The following PAWR variants were observed in gnomAD, a reference collection of about 807,000 sequenced individuals.
PAWR encodes PRKC apoptosis WT1 regulator protein.
In PAWR, 23 loss-of-function variants were observed where a neutral mutation model predicts 32.0. The ratio of observed to expected loss-of-function variants is 0.72; its 90% CI spans 0.52 to 1.02. PAWR has a LOEUF of 1.02. Among genes scored for constraint, PAWR ranks in the 50% least tolerant of loss-of-function variants. PAWR has a pLI of 0.00. For synonymous variants in PAWR, 226 were observed against 187.1 expected, an observed-to-expected ratio of 1.21 and a Z score of -1.70; for missense variants, 457 against 437.7, an observed-to-expected ratio of 1.04 and a Z score of -0.39.
chr12:79,598,066 C>T (rs1873828758), intron 4 of PAWR: 1 of 152,282 alleles, frequency 6.6e-6, no homozygotes, highest in African/African-American at 2.4e-5. Context: ...CTTCCAGAGA[C>T]AAACTGACAG....
intron 2 of PAWR, among the ~76,000 whole-genome samples, chr12:79,687,101 A>G (rs143389882): frequency 6.6e-6 from 1 of 152,310 alleles, no homozygotes; most frequent in African/African-American, 2.4e-5. Context: ...AAAATGTAAA[A>G]ATTTAGAAAA....
rs1390353856 is a variant in PAWR, at chr12:79,690,055, C to T, written c.190G>A (p.Ala64Thr). ...PAGALGTPAA[A>T]AANELNNNLP... ...TTGTTGTTGAGCTCGTTGGCAGCGG[C>T]GGCCGCCGGGGTGCCCAGAGCCCCC... The change falls in exon 2 of 7, where the codon GCC becomes ACC. Residue 64 changes from alanine to threonine, a missense_variant. Coordinates refer to ENST00000328827, the MANE Select transcript of PAWR (RefSeq NM_002583.4). The T allele has an allele frequency of 8.1e-6, 11 of 1,361,244 alleles. No homozygotes were observed. In the Admixed American group the frequency reaches 1.2e-4, roughly 15 times the overall value. The allele number at this position is 1,361,244 out of a possible 1,614,324, so 84.3% of individuals were successfully genotyped here. A position where few individuals can be genotyped will look rare whatever the true frequency, so the allele number is the denominator to read the frequency against.
chr12:79,688,592 CT>C (rs1260895927), intron 2 of PAWR: 1 of 151,818 alleles, frequency 6.6e-6, no homozygotes, highest in South Asian at 2.1e-4. Context: ...GTTTTGCTGG[CT>C]GATAAAAATC....
intron 2 of PAWR, among the ~76,000 whole-genome samples, chr12:79,641,106 T>A (rs574003423): frequency 2.6e-5 from 4 of 152,364 alleles, no homozygotes; most frequent in Non-Finnish European, 4.4e-5. Context: ...GATTAAATTC[T>A]ATTTTTACCT....
At chr12:79,604,427 C>G in intron 4 of PAWR, 2 of 1,027,526 alleles carry the variant, frequency 1.9e-6, no homozygotes, top group Non-Finnish European at 2.3e-6. Flanking sequence ...CTAAAACTAT[C>G]ATGAGAATGA....
At chr12:79,652,789 A>G (rs868093693) in intron 2 of PAWR, among the ~76,000 whole-genome samples, 2 of 152,326 alleles carry the variant, frequency 1.3e-5, no homozygotes, top group South Asian at 2.1e-4. Flanking sequence ...TGGATTTAGT[A>G]TTTGACAAAG....
Position 79,639,831 on chromosome 12 carries a change from T to TCCTTTC in PAWR, c.517-18625_517-18624insGAAAGG, listed in dbSNP as rs879765629. Among the ~76,000 whole-genome samples, 9 of 126,428 alleles carry TCCTTTC rather than the reference T, an allele frequency of 7.1e-5. 1 individual carries two copies. The highest frequency in any genetic ancestry group is 3.5e-4 in the African/African-American group (9 of 25,496). 82.9% of individuals were successfully genotyped at this position (126,428 alleles called of 152,430 possible). A position where few individuals can be genotyped will look rare whatever the true frequency, so the allele number is the denominator to read the frequency against. ...ATTCCATTCCTTTTCCTTTTCCTTT[T>TCCTTTC]CCATTCCTATTCCTATTCCTATTCC... is the stretch of plus-strand genomic sequence containing the variant. On this transcript the variant is annotated intron_variant, in intron 2 of 6. Transcript: ENST00000328827.
At chr12:79,676,899 T>C (rs1422230705) in intron 2 of PAWR, among the ~76,000 whole-genome samples, 2 of 152,194 alleles carry the variant, frequency 1.3e-5, no homozygotes, top group Non-Finnish European at 2.9e-5. Flanking sequence ...TTCACAAAAT[T>C]ACCTGGACCA....
chr12:79,675,647 T>C (rs1878127385), intron 2 of PAWR, among the ~76,000 whole-genome samples: 1 of 152,050 alleles, frequency 6.6e-6, no homozygotes, highest in Admixed American at 6.5e-5. Flanking sequence ...GAAAACCAAA[T>C]ACTGCATGTT....
chr12:79,673,948 G>C (rs1024559580), intron 2 of PAWR, among the ~76,000 whole-genome samples: 2 of 152,046 alleles, frequency 1.3e-5, no homozygotes, highest in Non-Finnish European at 2.9e-5. Context: ...TGGATAGGAA[G>C]AATCAGTATT....
intron 2 of PAWR, 38 bp downstream of exon 2, chr12:79,689,691 C>CCCCGG: frequency 6.5e-7 from 1 of 1,527,416 alleles, no homozygotes; most frequent in Non-Finnish European, 8.8e-7. Flanking sequence ...CAGCTGCCCG[C>CCCCGG]CCCGGCCCGG....
intron 4 of PAWR, chr12:79,604,230 C>G: frequency 2.0e-6 from 2 of 983,652 alleles, no homozygotes; most frequent in Non-Finnish European, 1.2e-6. Context: ...CTAATACGAT[C>G]CAAAAAGAAT....
chr12:79,682,268 T>C (rs1420503493), intron 2 of PAWR, among the ~76,000 whole-genome samples: 4 of 152,034 alleles, frequency 2.6e-5, no homozygotes, highest in Admixed American at 2.6e-4. Flanking sequence ...TCTCCCACCT[T>C]AGCTTCTCAA....
At chr12:79,618,809 T>C (rs1004914646) in intron 3 of PAWR, among the ~76,000 whole-genome samples, 2 of 152,100 alleles carry the variant, frequency 1.3e-5, no homozygotes, top group Non-Finnish European at 2.9e-5. Context: ...ACCTTAGATG[T>C]CTTAACTATA....
intron 5 of PAWR, among the ~76,000 whole-genome samples, chr12:79,594,959 T>C (rs866973014): frequency 3.2e-4 from 49 of 152,268 alleles, no homozygotes; most frequent in Admixed American, 1.2e-3. Context: ...TCAAGTGATC[T>C]GCCCGCCTCA....
intron 2 of PAWR, among the ~76,000 whole-genome samples, chr12:79,649,812 T>C (rs752004429): frequency 6.6e-6 from 1 of 152,026 alleles, no homozygotes; most frequent in African/African-American, 2.4e-5. Flanking sequence ...AGGAAATAGT[T>C]AAATCAGCAG....
intron 2 of PAWR, among the ~76,000 whole-genome samples, chr12:79,652,865 G>C (rs1286918993): frequency 2.0e-5 from 3 of 152,062 alleles, no homozygotes; most frequent in South Asian, 2.1e-4. Context: ...CACCAGTAAA[G>C]TAATAAAATA....
intron 2 of PAWR, among the ~76,000 whole-genome samples, chr12:79,685,003 GA>G (rs1201509667): frequency 4.6e-5 from 7 of 152,184 alleles, no homozygotes; most frequent in Non-Finnish European, 1.0e-4. Flanking sequence ...GCTGTGGTGA[GA>G]ATTAAATGCA....
At chr12:79,688,666 C>A (rs913796792) in intron 2 of PAWR, among the ~76,000 whole-genome samples, 1 of 152,018 alleles carries the variant, frequency 6.6e-6, no homozygotes, top group African/African-American at 2.4e-5. Flanking sequence ...GTATGGAAAT[C>A]ATAATACTAA....
Sources: allele counts gnomAD v4.1 joint callset (sites outside exome capture counted in the v4.1 genomes callset), GRCh38; gene constraint gnomAD v4.1.1; transcripts MANE v1.5; gene names NCBI Gene and HGNC (gene_info 2026-07-23, HGNC 2026-07-21).